The following AKAP8L variants were observed in gnomAD, a reference collection of about 807,000 sequenced individuals.
AKAP8L encodes A-kinase anchor protein 8-like.
A neutral mutation model predicts 77.5 loss-of-function variants in AKAP8L; 34 were observed. That is an observed-to-expected ratio of 0.44 (90% CI 0.33 to 0.58). The LOEUF is 0.58. Among genes scored for constraint, AKAP8L ranks in the 20% least tolerant of loss-of-function variants. The pLI, the probability that AKAP8L is intolerant of heterozygous loss-of-function variation, is 0.02. For synonymous variants in AKAP8L, 342 were observed against 340.7 expected, an observed-to-expected ratio of 1.00 and a Z score of -0.04; for missense variants, 806 against 887.6, an observed-to-expected ratio of 0.91 and a Z score of 1.17.
rs766188877 is a variant in AKAP8L, at chr19:15,410,542, G to A, written c.66C>T (p.Ser22=). The A allele has an allele frequency of 1.7e-5, 27 of 1,588,998 alleles. No individual in the cohort carries two copies. The highest frequency in any genetic ancestry group is 9.4e-5 in the African/African-American group (7 of 74,500). ...TACCATAATCACAGGTGGGCTGAGCGCTGGTATCCGAGTATGTCGACTGCA... is the reference window on the plus strand; with the variant it reads ...TACCATAATCACAGGTGGGCTGAGCACTGGTATCCGAGTATGTCGACTGCA... ...TTLQSTYSDT[S]AQPTCDYGYG... is the part of the protein sequence containing the mutation. The change falls in exon 2 of 14, where the codon AGC becomes AGT. Residue 22 remains serine, a synonymous_variant. Coordinates refer to ENST00000397410, the MANE Select transcript of AKAP8L (RefSeq NM_014371.4).
chr19:15,380,100 C>G lies in AKAP8L; in HGVS notation c.*22G>C, dbSNP rs1403782750. On this transcript the variant is annotated 3_prime_UTR_variant, in exon 14 of 14. Coordinates refer to ENST00000397410, the MANE Select transcript of AKAP8L (RefSeq NM_014371.4). ...TGGTTTCCAGCTTCGGCCACGCGGG[C>G]TCCGCCCGCCCCGAGCTCGGGTCAC... 6.1e-6 allele frequency: 9 copies of G among 1,463,892 alleles called. No individual in the cohort carries two copies. The highest frequency in any genetic ancestry group is 8.0e-6 in the Non-Finnish European group (9 of 1,119,368). 90.7% of individuals were successfully genotyped at this position (1,463,892 alleles called of 1,614,324 possible).
chr19:15,391,967 C>T (rs1305142681), intron 12 of AKAP8L, among the ~76,000 whole-genome samples: 1 of 152,144 alleles, frequency 6.6e-6, no homozygotes, highest in South Asian at 2.1e-4. Flanking sequence ...TCCTGCGTAG[C>T]GGGGACTACA....
intron 12 of AKAP8L, among the ~76,000 whole-genome samples, chr19:15,396,131 C>T (rs930546364): frequency 6.6e-6 from 1 of 152,056 alleles, no homozygotes; most frequent in African/African-American, 2.4e-5. Flanking sequence ...GACCCCTGAC[C>T]CTGTCCACCG....
At chr19:15,412,446 C>G (rs1445190614) in intron 1 of AKAP8L, among the ~76,000 whole-genome samples, 3 of 152,104 alleles carry the variant, frequency 2.0e-5, no homozygotes, top group African/African-American at 7.2e-5. Flanking sequence ...ACTTCTACCT[C>G]TATCAGAAAC....
Position 15,401,414 on chromosome 19 carries a change from G to A in AKAP8L, c.552C>T (p.Ala184=). ...DTFGPRAQGW[A]RDARSGRPMA... ...TTGGCCGGCCGCTCCGGGCATCCCGGGCCCAGCCCTGTGCCCTGGGACCGA... is the reference window on the plus strand; with the variant it reads ...TTGGCCGGCCGCTCCGGGCATCCCGAGCCCAGCCCTGTGCCCTGGGACCGA... Residue 184 remains alanine (A), a synonymous_variant, in exon 5 of 14, where the codon GCC becomes GCT. Coordinates refer to ENST00000397410, the MANE Select transcript of AKAP8L (RefSeq NM_014371.4). This position sits in a 1 kb window ranked among gnomAD's most constrained non-coding sequence, Gnocchi z 6.2. 1 of 1,613,372 alleles carries A rather than the reference G, an allele frequency of 6.2e-7. No individual in the cohort carries two copies. The highest frequency in any genetic ancestry group is 8.5e-7 in the Non-Finnish European group (1 of 1,179,868).
chr19:15,380,254 T>TGGCGGC lies in AKAP8L; in HGVS notation c.1803_1808dup (p.Pro607_Pro608dup). ...CCTCCTCCTCTGGGGGCGGCGGCGG[T>TGGCGGC]GGCGGCGACACGGCCCCGGGGGCTG... On this transcript the variant is annotated inframe_insertion, in exon 14 of 14. Transcript: ENST00000397410. 2 of 1,497,144 alleles carry TGGCGGC rather than the reference T, an allele frequency of 1.3e-6. No homozygotes were observed. Among genetic ancestry groups the TGGCGGC allele is most frequent in the South Asian group, 1.3e-5 (1 of 79,338 alleles). 92.7% of individuals were successfully genotyped at this position (1,497,144 alleles called of 1,614,324 possible).
chr19:15,408,150 T>C (rs1968036428), intron 2 of AKAP8L, among the ~76,000 whole-genome samples: 1 of 149,914 alleles, frequency 6.7e-6, no homozygotes, highest in African/African-American at 2.5e-5. Context: ...AAAAAGACCG[T>C]GCTGCTGAAC....
chr19:15,397,332 C>T lies in AKAP8L; in HGVS notation c.1406-52G>A. Reference sequence around the variant, plus strand: ...CTGGGCCCAGGTGCCTAAGATAGACCCAGGTGTTCGAGAAAAAAACCACAC... The same window carrying T: ...CTGGGCCCAGGTGCCTAAGATAGACTCAGGTGTTCGAGAAAAAAACCACAC... On this transcript the variant is annotated intron_variant, in intron 11 of 13. Coordinates refer to ENST00000397410, the MANE Select transcript of AKAP8L (RefSeq NM_014371.4). The surrounding 1 kb of genome is among the most constrained non-coding windows in gnomAD (Gnocchi z 4.7). 2 of 1,603,710 alleles carry T rather than the reference C, an allele frequency of 1.2e-6. No homozygotes were observed. The highest frequency in any genetic ancestry group is 8.5e-7 in the Non-Finnish European group (1 of 1,172,874).
chr19:15,384,562 A>G (rs370177943), intron 12 of AKAP8L, among the ~76,000 whole-genome samples: 2 of 151,982 alleles, frequency 1.3e-5, no homozygotes, highest in East Asian at 3.9e-4. Flanking sequence ...AGCCTCCCCA[A>G]AGTGCTGGGA....
intron 12 of AKAP8L, among the ~76,000 whole-genome samples, chr19:15,387,327 C>T (rs899658443): frequency 6.6e-6 from 1 of 152,188 alleles, no homozygotes; most frequent in African/African-American, 2.4e-5. Context: ...AGTAAACTCC[C>T]AATCTCAAAG....
chr19:15,400,281 C>T lies in AKAP8L; in HGVS notation c.1048+14G>A, dbSNP rs1967865856. The T allele has an allele frequency of 6.2e-7, 1 of 1,613,728 alleles. No homozygotes were observed. The highest frequency in any genetic ancestry group is 1.1e-5 in the South Asian group (1 of 91,088). On this transcript the variant is annotated intron_variant, in intron 8 of 13. Transcript: ENST00000397410. Reference sequence around the variant, plus strand: ...AAGAGCCGCCCTAGCACCAGGCACCCCAGGAAAACTCACCCTTCTCTGGAT... The same window carrying T: ...AAGAGCCGCCCTAGCACCAGGCACCTCAGGAAAACTCACCCTTCTCTGGAT...
Position 15,399,978 on chromosome 19 carries a change from C to G in AKAP8L, c.1048+317G>C, listed in dbSNP as rs1420583586. 1 of 475,754 alleles carries G rather than the reference C, an allele frequency of 2.1e-6. No individual in the cohort carries two copies. The highest frequency in any genetic ancestry group is 3.8e-6 in the Non-Finnish European group (1 of 263,458). 29.5% of individuals were successfully genotyped at this position (475,754 alleles called of 1,614,324 possible). A position where few individuals can be genotyped will look rare whatever the true frequency, so the allele number is the denominator to read the frequency against. ...ACCAGCCACTGAGGACTTGGAACTGCGCGTTACTGAGGGACCGAGGGCAGG... is the reference window on the plus strand; with the variant it reads ...ACCAGCCACTGAGGACTTGGAACTGGGCGTTACTGAGGGACCGAGGGCAGG... On this transcript the variant is annotated intron_variant, in intron 8 of 13. Transcript: ENST00000397410. The surrounding 1 kb of genome is among the most constrained non-coding windows in gnomAD (Gnocchi z 6.1).
In AKAP8L at chr19:15,384,935, A is replaced by G. The variant is rs572621961; in HGVS notation, c.1537-4323T>C. On this transcript the variant is annotated intron_variant, in intron 12 of 13. Transcript: ENST00000397410. ...GCCCAGGCTGGAGTGCAGTGGCGCGATATCAGCTCACTGCGAGCTCCGCCT... is the reference window on the plus strand; with the variant it reads ...GCCCAGGCTGGAGTGCAGTGGCGCGGTATCAGCTCACTGCGAGCTCCGCCT... Among the ~76,000 whole-genome samples, 103 of 149,878 alleles carry G rather than the reference A, an allele frequency of 6.9e-4. No individual in the cohort carries two copies. The South Asian group carries it at 0.018, about 26-fold the overall frequency.
chr19:15,402,473 C>T (rs551854419), intron 4 of AKAP8L, among the ~76,000 whole-genome samples: 6 of 152,306 alleles, frequency 3.9e-5, no homozygotes, highest in East Asian at 1.9e-4. Flanking sequence ...CTGCTTACCC[C>T]GATCCCAGGC....
chr19:15,400,166 A>G, intron 8 of AKAP8L, 129 bp downstream of exon 8: 1 of 904,120 alleles, frequency 1.1e-6, no homozygotes, highest in South Asian at 1.4e-5. Flanking sequence ...CTGCCAGCAC[A>G]CACTCGGGCC....
intron 1 of AKAP8L, among the ~76,000 whole-genome samples, chr19:15,415,528 T>C (rs148047794): frequency 0.012 from 1,771 of 152,278 alleles, 18 homozygotes; most frequent in Non-Finnish European, 0.016. Flanking sequence ...TCTTGCTCTG[T>C]TGCCCAGGCT....
At chr19:15,387,197 T>G (rs1361469592) in intron 12 of AKAP8L, among the ~76,000 whole-genome samples, 1 of 152,236 alleles carries the variant, frequency 6.6e-6, no homozygotes, top group African/African-American at 2.4e-5. Context: ...CAGCCTACTG[T>G]ACCTCCTCCC....
At chr19:15,382,426 C>T (rs1270240457) in intron 12 of AKAP8L, among the ~76,000 whole-genome samples, 2 of 152,066 alleles carry the variant, frequency 1.3e-5, no homozygotes, top group East Asian at 1.9e-4. Flanking sequence ...TGGTCTTGAG[C>T]TCCTGAGCTC....
At position 15,399,290 on chromosome 19, in the gene AKAP8L, G is replaced by A; in HGVS notation, c.1157+12C>T. Reference sequence around the variant, plus strand: ...CGAGGCAGAGGCAGAGGGGTGGAGGGAAGCTGGTTACCTTTCCACCATGCG... The same window carrying A: ...CGAGGCAGAGGCAGAGGGGTGGAGGAAAGCTGGTTACCTTTCCACCATGCG... On this transcript the variant is annotated intron_variant, in intron 9 of 13. Transcript: ENST00000397410. The surrounding 1 kb of genome is among the most constrained non-coding windows in gnomAD (Gnocchi z 6.1). The A allele has an allele frequency of 6.2e-7, 1 of 1,609,196 alleles. No homozygotes were observed. The highest frequency in any genetic ancestry group is 8.5e-7 in the Non-Finnish European group (1 of 1,175,618).
Sources: allele counts gnomAD v4.1 joint callset (sites outside exome capture counted in the v4.1 genomes callset), GRCh38; gene constraint gnomAD v4.1.1; non-coding constraint Gnocchi (gnomAD v3.1); transcripts MANE v1.5; gene names NCBI Gene and HGNC (gene_info 2026-07-23, HGNC 2026-07-21).